The following YPEL2 variants were observed in gnomAD, a reference collection of about 807,000 sequenced individuals.
YPEL2 encodes the protein protein yippee-like 2.
Under a neutral mutation model 19.1 loss-of-function variants are expected in YPEL2, and 2 were observed. The ratio of observed to expected loss-of-function variants is 0.10; its 90% CI spans 0.04 to 0.33. The LOEUF is 0.33. Among genes scored for constraint, YPEL2 ranks in the 10% least tolerant of loss-of-function variants. YPEL2 has a pLI of 1.00. For missense variants in YPEL2, 66 were observed against 140.7 expected (o/e 0.47, Z 2.68); for synonymous variants, 52 against 50.0 (o/e 1.04, Z -0.17).
intron 2 of YPEL2, among the ~76,000 whole-genome samples, chr17:59,384,139 T>G (rs1368654205): frequency 6.6e-6 from 1 of 152,232 alleles, no homozygotes; most frequent in African/African-American, 2.4e-5. Flanking sequence ...AACAAAAATT[T>G]AACCATTCTA....
At chr17:59,392,181 T>G (rs186974295) in intron 4 of YPEL2, among the ~76,000 whole-genome samples, 192 of 152,344 alleles carry the variant, frequency 1.3e-3, no homozygotes, top group African/African-American at 4.4e-3. Flanking sequence ...GCCTCTTGGC[T>G]GTCTTACTGC....
At chr17:59,358,383 A>G (rs1250038125) in intron 2 of YPEL2, among the ~76,000 whole-genome samples, 1 of 151,962 alleles carries the variant, frequency 6.6e-6, no homozygotes, top group East Asian at 1.9e-4. Context: ...GTATTGATCT[A>G]GTGGCTGCCA....
intron 2 of YPEL2, among the ~76,000 whole-genome samples, chr17:59,370,760 G>T (rs1010997874): frequency 9.2e-5 from 14 of 151,866 alleles, no homozygotes; most frequent in Middle Eastern, 3.4e-3. Flanking sequence ...CAGAGGAGGG[G>T]CACAGGTGGC....
intron 1 of YPEL2, among the ~76,000 whole-genome samples, chr17:59,337,488 C>G (rs375741224): frequency 1.3e-5 from 2 of 152,150 alleles, no homozygotes; most frequent in Non-Finnish European, 2.9e-5. Context: ...CGCGCCCGGC[C>G]GGGAGAAATT....
At chr17:59,345,555 T>G (rs188516825) in intron 1 of YPEL2, among the ~76,000 whole-genome samples, 62 of 152,098 alleles carry the variant, frequency 4.1e-4, no homozygotes, top group Non-Finnish European at 3.7e-4. Context: ...ATACAGTAAG[T>G]GATGGAGTGG....
At chr17:59,387,576 C>T (rs2047987078) in intron 2 of YPEL2, among the ~76,000 whole-genome samples, 2 of 152,100 alleles carry the variant, frequency 1.3e-5, no homozygotes, top group African/African-American at 4.8e-5. Flanking sequence ...GGACAGGGCC[C>T]GTGTTAATGG....
In YPEL2 at chr17:59,364,502, G is replaced by A. The variant is rs1431278323; in HGVS notation, c.117+10976G>A. On this transcript the variant is annotated intron_variant, in intron 2 of 4. Coordinates refer to ENST00000312655, the MANE Select transcript of YPEL2 (RefSeq NM_001005404.4). ...TGCGTCTTCTGAGTCTAATGTAGTA[G>A]CATAAGATGATATGAGGCCATATAA... Among the ~76,000 whole-genome samples the A allele has an allele frequency of 2.6e-5, 4 of 152,022 alleles. No individual in the cohort carries two copies. In the South Asian group the frequency reaches 8.3e-4, roughly 32 times the overall value.
chr17:59,354,417 T>A (rs1245127296), intron 2 of YPEL2: 1 of 152,162 alleles, frequency 6.6e-6, no homozygotes, highest in Non-Finnish European at 1.5e-5. Context: ...GACGAAGTTT[T>A]TTGTTTTGTT....
At chr17:59,381,307 C>T (rs950353427) in intron 2 of YPEL2, among the ~76,000 whole-genome samples, 2 of 152,194 alleles carry the variant, frequency 1.3e-5, no homozygotes, top group Non-Finnish European at 1.5e-5. Flanking sequence ...TGGGCGTCTG[C>T]TTTCCCCATC....
chr17:59,356,018 C>G (rs2047811074), intron 2 of YPEL2: 1 of 152,168 alleles, frequency 6.6e-6, no homozygotes, highest in South Asian at 2.1e-4. Context: ...TCTATAGATT[C>G]TTATGCAGGT....
intron 1 of YPEL2, among the ~76,000 whole-genome samples, chr17:59,341,890 GT>G (rs2047733080): frequency 6.6e-6 from 1 of 152,144 alleles, no homozygotes; most frequent in African/African-American, 2.4e-5. Flanking sequence ...CTCTCCCTCA[GT>G]AAATGGCACC....
intron 1 of YPEL2, 64 bp downstream of exon 1, chr17:59,331,888 G>C (rs978967480): frequency 4.0e-5 from 6 of 151,506 alleles, no homozygotes; most frequent in Admixed American, 4.0e-4. Flanking sequence ...TGTCAGCTCG[G>C]GCTCTGGGTC....
intron 4 of YPEL2, among the ~76,000 whole-genome samples, chr17:59,391,469 G>A (rs2048007173): frequency 6.6e-6 from 1 of 151,980 alleles, no homozygotes; most frequent in Admixed American, 6.5e-5. Flanking sequence ...TACATGCCAG[G>A]CACTGAATTA....
At chr17:59,377,398 C>T (rs1452057048) in intron 2 of YPEL2, among the ~76,000 whole-genome samples, 1 of 152,190 alleles carries the variant, frequency 6.6e-6, no homozygotes, top group Non-Finnish European at 1.5e-5. Flanking sequence ...GCTGACTGCC[C>T]TTGCATCCTG....
At chr17:59,396,917 G>A (rs1223722384) in intron 4 of YPEL2, among the ~76,000 whole-genome samples, 184 bp from the exon 5 acceptor site, 1 of 152,094 alleles carries the variant, frequency 6.6e-6, no homozygotes, top group African/African-American at 2.4e-5. Flanking sequence ...TGTAATCCCA[G>A]CTACTTGGGA....
At chr17:59,383,607 A>ATTATAT (rs2047964630) in intron 2 of YPEL2, among the ~76,000 whole-genome samples, 1 of 20,876 alleles carries the variant, frequency 4.8e-5, no homozygotes, top group African/African-American at 2.1e-4. Flanking sequence ...AAAAAAAAAA[A>ATTATAT]AAATATATAT....
Position 59,399,736 on chromosome 17 carries a change from T to C in YPEL2, c.*2546T>C, listed in dbSNP as rs1337740187. On this transcript the variant is annotated 3_prime_UTR_variant, in exon 5 of 5. Transcript: ENST00000312655. ...GTTGTCTATCTAACATTGAGCAGCA[T>C]TGGAGAGGCCACAGCTGAGCTATGG... is the stretch of plus-strand genomic sequence containing the variant. The C allele has an allele frequency of 1.3e-5, 2 of 152,672 alleles. No individual in the cohort carries two copies. The highest frequency in any genetic ancestry group is 4.8e-5 in the African/African-American group (2 of 41,460). The allele number at this position is 152,672 out of a possible 1,614,324, so 9.5% of individuals were successfully genotyped here. A position where few individuals can be genotyped will look rare whatever the true frequency, so the allele number is the denominator to read the frequency against.
chr17:59,389,135 A>G (rs1340838753), intron 3 of YPEL2: 7 of 543,538 alleles, frequency 1.3e-5, no homozygotes, highest in Non-Finnish European at 2.0e-5. Flanking sequence ...AACCATAAAG[A>G]TTATTTCGGT....
At chr17:59,392,220 T>C (rs9914477) in intron 4 of YPEL2, among the ~76,000 whole-genome samples, 1,974 of 152,310 alleles carry the variant, frequency 0.013, 45 homozygotes, top group African/African-American at 0.045. Context: ...TGAAGATACA[T>C]GATAAGCCTG....
Sources: allele counts gnomAD v4.1 joint callset (sites outside exome capture counted in the v4.1 genomes callset), GRCh38; gene constraint gnomAD v4.1.1; transcripts MANE v1.5; gene names NCBI Gene and HGNC (gene_info 2026-07-23, HGNC 2026-07-21).